Variants in WDR27 observed in about 807,000 individuals in gnomAD.
WDR27 encodes the protein WD repeat domain 27, also known as WD repeat-containing protein 27.
A neutral mutation model predicts 114.4 loss-of-function variants in WDR27; 100 were observed. The observed-to-expected ratio is 0.87, with a 90% CI of 0.74 to 1.03. WDR27 has a LOEUF of 1.03. WDR27 is among the 50% of genes least tolerant of loss of function. WDR27 has a pLI of 0.00. For synonymous variants in WDR27, 449 were observed against 423.1 expected, an observed-to-expected ratio of 1.06 and a Z score of -0.75; for missense variants, 1,129 against 1,092.9, an observed-to-expected ratio of 1.03 and a Z score of -0.47.
chr6:169,615,540 C>A (rs1256050801), intron 21 of WDR27, among the ~76,000 whole-genome samples: 1 of 152,176 alleles, frequency 6.6e-6, no homozygotes, highest in Non-Finnish European at 1.5e-5. Flanking sequence ...GGGGAAAGGG[C>A]TCCCTATTCA....
chr6:169,635,933 T>A (rs1405070799), intron 19 of WDR27, among the ~76,000 whole-genome samples: 1 of 152,238 alleles, frequency 6.6e-6, no homozygotes, highest in African/African-American at 2.4e-5. Context: ...TGTAATATTT[T>A]ATTTCTTTAA....
At chr6:169,505,983 T>C (rs1328936387) in intron 25 of WDR27, among the ~76,000 whole-genome samples, 1 of 152,210 alleles carries the variant, frequency 6.6e-6, no homozygotes, top group African/African-American at 2.4e-5. Flanking sequence ...GAAACACATA[T>C]ACCACCTAAA....
chr6:169,574,548 G>A (rs1205398646), intron 24 of WDR27, among the ~76,000 whole-genome samples: 3 of 152,150 alleles, frequency 2.0e-5, no homozygotes, highest in African/African-American at 4.8e-5. Context: ...TGACACACTC[G>A]AAAGCAGGGT....
At chr6:169,665,646 G>A (rs3800545) in intron 6 of WDR27, 90 bp from the exon 7 acceptor site, 96,369 of 1,180,442 alleles carry the variant, frequency 0.082, 11,354 homozygotes, top group East Asian at 0.6. Context: ...CTCTTTACAC[G>A]TAATATTTAC....
At chr6:169,535,301 C>T (rs1367541879) in intron 25 of WDR27, among the ~76,000 whole-genome samples, 1 of 141,476 alleles carries the variant, frequency 7.1e-6, no homozygotes, top group East Asian at 1.9e-4. Context: ...AAAATCTATT[C>T]AGATCCAAAT....
Position 169,551,761 on chromosome 6 carries a change from A to G in WDR27, c.2645+20658T>C, listed in dbSNP as rs1320371602. ...TCAAAAAAAAAAAAAAAAAAGAAAA[A>G]GAAAAGAAAAGAAAAAACGTGTCTT... On this transcript the variant is annotated intron_variant, in intron 25 of 25. Transcript: ENST00000448612. Among the ~76,000 whole-genome samples, 6 of 150,062 alleles carry G rather than the reference A, an allele frequency of 4.0e-5. No homozygotes were observed. In the East Asian group the frequency reaches 9.8e-4, roughly 24 times the overall value.
At chr6:169,575,894 C>T (rs1228758720) in intron 24 of WDR27, among the ~76,000 whole-genome samples, 2 of 152,178 alleles carry the variant, frequency 1.3e-5, no homozygotes, top group Non-Finnish European at 2.9e-5. Flanking sequence ...AACAATTTCA[C>T]AAATGTTAGT....
rs1300189813 is a variant in WDR27, at chr6:169,684,737, C to T, written c.189+4080G>A. 6.6e-6 allele frequency among the ~76,000 whole-genome samples: 1 copy of T among 152,238 alleles called. No individual in the cohort carries two copies. Among genetic ancestry groups the T allele is most frequent in the Non-Finnish European group, 1.5e-5 (1 of 68,038 alleles). Reference sequence around the variant, plus strand: ...CACTTACAAAGCCTGAGAAACAGCTCTATGGGCCACCCCTAATGGGCATGC... The same window carrying T: ...CACTTACAAAGCCTGAGAAACAGCTTTATGGGCCACCCCTAATGGGCATGC... On this transcript the variant is annotated intron_variant, in intron 2 of 25. Coordinates refer to ENST00000448612, the MANE Select transcript of WDR27 (RefSeq NM_182552.5). The surrounding 1 kb of genome is among the most constrained non-coding windows in gnomAD (Gnocchi z 4.3).
At chr6:169,634,390 G>T in intron 20 of WDR27, 38 bp downstream of exon 20, 1 of 1,483,870 alleles carries the variant, frequency 6.7e-7, no homozygotes, top group Non-Finnish European at 9.3e-7. Context: ...ACAACACTCA[G>T]GGCGTAAAAC....
At chr6:169,672,212 C>T in intron 3 of WDR27, 43 bp downstream of exon 3, 2 of 1,597,522 alleles carry the variant, frequency 1.3e-6, no homozygotes, top group Non-Finnish European at 8.5e-7. Flanking sequence ...ATGAGTTATT[C>T]CTTTTGCAGG....
chr6:169,573,189 T>G lies in WDR27; in HGVS notation c.2524-649A>C, dbSNP rs950306656. ...GAAACTCTCCGAGAACCCCCCAAGT[T>G]TCTACATTGTGTTCTAGGGTAACAG... is the stretch of plus-strand genomic sequence containing the variant. On this transcript the variant is annotated intron_variant, in intron 24 of 25. Transcript: ENST00000448612. Among the ~76,000 whole-genome samples the G allele has an allele frequency of 1.8e-4, 27 of 152,196 alleles. 1 individual carries two copies. The highest frequency in any genetic ancestry group is 1.8e-3 in the Admixed American group (27 of 15,278).
intron 22 of WDR27, among the ~76,000 whole-genome samples, chr6:169,604,393 C>A (rs1016211204): frequency 3.3e-5 from 5 of 152,040 alleles, no homozygotes; most frequent in Non-Finnish European, 5.9e-5. Context: ...ACTTCCCAAG[C>A]TTGAAGCAGG....
chr6:169,664,620 C>T lies in WDR27; in HGVS notation c.784-334G>A, dbSNP rs376191823. 4.9e-5 allele frequency: 55 copies of T among 1,128,818 alleles called. No individual in the cohort carries two copies. The East Asian group carries it at 2.1e-3, about 43-fold the overall frequency. The allele number at this position is 1,128,818 out of a possible 1,614,324, so 69.9% of individuals were successfully genotyped here. On this transcript the variant is annotated intron_variant, in intron 7 of 25. Transcript: ENST00000448612. ...CCCCACAGCTTCACAGCCAAGAGCACGTCCCACATGCCCTGGGTGAGAAGA... is the reference window on the plus strand; with the variant it reads ...CCCCACAGCTTCACAGCCAAGAGCATGTCCCACATGCCCTGGGTGAGAAGA...
chr6:169,699,639 C>A (rs765023988), intron 1 of WDR27, among the ~76,000 whole-genome samples: 3 of 152,104 alleles, frequency 2.0e-5, no homozygotes, highest in Non-Finnish European at 4.4e-5. Context: ...TCCTCATAGC[C>A]ACATCAGATG....
At chr6:169,466,262 C>A (rs139842934) in intron 25 of WDR27, among the ~76,000 whole-genome samples, 1 of 151,984 alleles carries the variant, frequency 6.6e-6, no homozygotes, top group African/African-American at 2.4e-5. Flanking sequence ...TCTTATATGC[C>A]GTAGTATTAG....
intron 25 of WDR27, among the ~76,000 whole-genome samples, chr6:169,544,204 C>T (rs559162926): frequency 8.6e-4 from 131 of 152,224 alleles, no homozygotes; most frequent in African/African-American, 2.9e-3. Flanking sequence ...TCTACTCTCA[C>T]ACTCTCAGTC....
At chr6:169,661,803 C>A (rs1308262675) in intron 9 of WDR27, among the ~76,000 whole-genome samples, 1 of 152,200 alleles carries the variant, frequency 6.6e-6, no homozygotes, top group Non-Finnish European at 1.5e-5. Context: ...GCAAGGTTGC[C>A]CCCTAATCTC....
chr6:169,583,182 A>G lies in WDR27; in HGVS notation c.2425-248T>C, dbSNP rs182820139. On this transcript the variant is annotated intron_variant, in intron 23 of 25. Transcript: ENST00000448612. The stretch of plus-strand genomic sequence containing the variant: ...TATGTCATACTTTCTATTTACTATC[A>G]AAAACCTCTATAGTACCCTGTGAAC... Among the ~76,000 whole-genome samples, 7 of 152,084 alleles carry G rather than the reference A, an allele frequency of 4.6e-5. No individual in the cohort carries two copies. The East Asian group carries it at 1.4e-3, about 29-fold the overall frequency.
chr6:169,508,173 C>T (rs1254968095), intron 25 of WDR27, among the ~76,000 whole-genome samples: 1 of 152,128 alleles, frequency 6.6e-6, no homozygotes, highest in East Asian at 1.9e-4. Flanking sequence ...CACATAAAAT[C>T]GGCCCAACTC....
Sources: gnomAD v4.1 joint callset for allele counts (sites outside exome capture counted in the v4.1 genomes callset) on GRCh38, gnomAD v4.1.1 for gene constraint, Gnocchi (gnomAD v3.1) non-coding constraint, MANE v1.5 for transcripts, NCBI Gene and HGNC (gene_info 2026-07-23, HGNC 2026-07-21) for gene names.